CD1B: variants seen among roughly 807,000 people sequenced by gnomAD.
CD1B encodes T-cell surface glycoprotein CD1b.
CD1B carries 43 observed loss-of-function variants against 39.8 expected under a neutral mutation model. That is an observed-to-expected ratio of 1.08 (90% CI 0.85 to 1.39). The LOEUF is 1.39. Among genes scored for constraint, CD1B ranks in the 40% most tolerant of loss-of-function variants. The pLI is 0.00. For missense variants in CD1B, 495 were observed against 403.8 expected (o/e 1.23, Z -1.94); for synonymous variants, 192 against 152.5 (o/e 1.26, Z -1.91).
chr1:158,318,525 C>T, the CD1B span, among the ~76,000 whole-genome samples: 1 of 152,116 alleles, frequency 6.6e-6, no homozygotes. Flanking sequence ...GGTAGATCTT[C>T]CTCCATCCTT....
chr1:158,314,331 C>A, the CD1B span, among the ~76,000 whole-genome samples: 1 of 152,188 alleles, frequency 6.6e-6, no homozygotes, highest in African/African-American at 2.4e-5. Flanking sequence ...ATCCACCCTC[C>A]TCGGCCTCCC....
the CD1B span, chr1:158,292,894 G>A: frequency 3.1e-6 from 5 of 1,610,942 alleles, no homozygotes; most frequent in Non-Finnish European, 4.2e-6. Flanking sequence ...GAGGTTGGAA[G>A]TGTAGGTAGG....
chr1:158,292,737 A>G, the CD1B span: 6 of 1,614,214 alleles, frequency 3.7e-6, no homozygotes, highest in Non-Finnish European at 5.1e-6. Flanking sequence ...GGCACTAAAC[A>G]TGGTGATATT....
chr1:158,304,662 A>G, the CD1B span, among the ~76,000 whole-genome samples: 1 of 152,156 alleles, frequency 6.6e-6, no homozygotes, highest in African/African-American at 2.4e-5. Context: ...ACTGATGCCC[A>G]AGTAGCCTAA....
At chr1:158,314,734 C>G in the CD1B span, among the ~76,000 whole-genome samples, 5 of 151,544 alleles carry the variant, frequency 3.3e-5, no homozygotes, top group Admixed American at 6.6e-5. Context: ...TATACATGTG[C>G]CATGCTGGTG....
the CD1B span, chr1:158,293,330 T>C: frequency 1.9e-6 from 3 of 1,597,728 alleles, no homozygotes; most frequent in Non-Finnish European, 2.6e-6. Flanking sequence ...CCTCCTCTCC[T>C]CCCAGTTTCT....
At chr1:158,291,311 A>G in the CD1B span, 2 of 1,614,084 alleles carry the variant, frequency 1.2e-6, no homozygotes, top group Admixed American at 1.7e-5. Flanking sequence ...AGCAATGAAG[A>G]GTTGTCAGAC....
chr1:158,293,129 A>G, the CD1B span: 1 of 1,115,352 alleles, frequency 9.0e-7, no homozygotes, highest in Non-Finnish European at 1.3e-6. Context: ...TCCAATGCAT[A>G]TGTTAAGTAA....
the CD1B span, among the ~76,000 whole-genome samples, chr1:158,301,767 G>A: frequency 6.6e-6 from 1 of 151,808 alleles, no homozygotes; most frequent in Non-Finnish European, 1.5e-5. Flanking sequence ...TGTGTCTTGG[G>A]GTTGCTCTTC....
the CD1B span, among the ~76,000 whole-genome samples, chr1:158,294,095 A>T: frequency 6.6e-6 from 1 of 152,186 alleles, no homozygotes; most frequent in Non-Finnish European, 1.5e-5. Flanking sequence ...TGATACACTT[A>T]TTTTCTAAAC....
At chr1:158,320,266 G>A in the CD1B span, among the ~76,000 whole-genome samples, 878 of 152,304 alleles carry the variant, frequency 5.8e-3, 9 homozygotes, top group African/African-American at 0.019. Context: ...CCTCACTGCC[G>A]CCTTGCAGTT....
the CD1B span, among the ~76,000 whole-genome samples, chr1:158,311,355 C>T: frequency 2.6e-5 from 4 of 152,112 alleles, no homozygotes; most frequent in East Asian, 7.7e-4. Flanking sequence ...AGGTCTTTTG[C>T]CCTTTAAAAT....
At chr1:158,305,203 A>G in the CD1B span, among the ~76,000 whole-genome samples, 1 of 152,164 alleles carries the variant, frequency 6.6e-6, no homozygotes, top group African/African-American at 2.4e-5. Context: ...AAATTAGATG[A>G]ATGGCTAACT....
At chr1:158,326,030 C>T (rs907588773), downstream of CD1B, among the ~76,000 whole-genome samples, 10 of 152,096 alleles carry the variant, frequency 6.6e-5, no homozygotes, top group African/African-American at 4.8e-5. Flanking sequence ...AGTGCAGTGG[C>T]GCGATCTCGG....
chr1:158,314,734 C>T, the CD1B span, among the ~76,000 whole-genome samples: 1 of 151,660 alleles, frequency 6.6e-6, no homozygotes, highest in East Asian at 1.9e-4. Flanking sequence ...TATACATGTG[C>T]CATGCTGGTG....
the CD1B span, among the ~76,000 whole-genome samples, chr1:158,312,690 G>A: frequency 8.2e-4 from 125 of 152,166 alleles, no homozygotes; most frequent in African/African-American, 3.0e-3. Flanking sequence ...ACTGCTTTTT[G>A]TATATGCATT....
At chr1:158,325,957 A>G (rs1000265929), downstream of CD1B, among the ~76,000 whole-genome samples, 1 of 152,100 alleles carries the variant, frequency 6.6e-6, no homozygotes, top group Non-Finnish European at 1.5e-5. Context: ...AGCACATCAC[A>G]AATCTATTTA....
chr1:158,304,642 C>T, the CD1B span, among the ~76,000 whole-genome samples: 5 of 152,180 alleles, frequency 3.3e-5, no homozygotes, highest in East Asian at 9.6e-4. Context: ...AGTGACTCCT[C>T]AAGTGGGTCA....
chr1:158,291,114 TGCCC>T, the CD1B span: 1 of 1,609,532 alleles, frequency 6.2e-7, no homozygotes, highest in Non-Finnish European at 8.5e-7. Flanking sequence ...TTACACTACT[TGCCC>T]TTCTTCCACC....
Sources: allele counts gnomAD v4.1 joint callset (sites outside exome capture counted in the v4.1 genomes callset), GRCh38; gene constraint gnomAD v4.1.1; transcripts MANE v1.5; gene names NCBI Gene and HGNC (gene_info 2026-07-23, HGNC 2026-07-21).